XCR1: variants seen among roughly 807,000 people sequenced by gnomAD.
XCR1 encodes chemokine XC receptor 1.
For synonymous variants in XCR1, 187 were observed against 188.5 expected, an observed-to-expected ratio of 0.99 and a Z score of 0.06; for missense variants, 356 against 424.2, an observed-to-expected ratio of 0.84 and a Z score of 1.41.
At chr3:46,036,997 A>G (rs1697442005) in intron 5 of XCR1, among the ~76,000 whole-genome samples, 1 of 152,198 alleles carries the variant, frequency 6.6e-6, no homozygotes, top group African/African-American at 2.4e-5. Context: ...GTTATTTTCA[A>G]TGCTTATTGG....
At chr3:46,040,488 GAA>G (rs753706472) in intron 5 of XCR1, among the ~76,000 whole-genome samples, 1 of 152,136 alleles carries the variant, frequency 6.6e-6, no homozygotes, top group Non-Finnish European at 1.5e-5. Flanking sequence ...TGTCAAATGT[GAA>G]GTGGTATTTA....
upstream of XCR1, among the ~76,000 whole-genome samples, chr3:46,029,130 CTTCTA>C (rs773333029): frequency 1.4e-3 from 211 of 152,250 alleles, 1 homozygote; most frequent in African/African-American, 4.0e-3. Flanking sequence ...TTTGTTCTTT[CTTCTA>C]TTCAAGATTG....
At position 46,021,315 on chromosome 3, in the gene XCR1, G is replaced by T. The variant is rs545856627; in HGVS notation, c.633C>A (p.Thr211=). Residue 211 remains threonine (T), a synonymous_variant, in exon 2 of 2, where the codon ACC becomes ACA. Transcript: ENST00000309285. This position sits in a 1 kb window ranked among gnomAD's most constrained non-coding sequence, Gnocchi z 4.7. The part of the protein sequence containing the change: ...ILFCYVEILR[T]LFRSRSKRRH... ...GCCGCTTGGAGCGTGAGCGGAACAG[G>T]GTCCTGAGGATCTCCACGTAGCAGA... The T allele has an allele frequency of 1.0e-4, 161 of 1,614,104 alleles. No homozygotes were observed. The highest frequency in any genetic ancestry group is 1.1e-4 in the Non-Finnish European group (134 of 1,180,052).
At chr3:46,061,350 A>G (rs560382221) in intron 4 of XCR1, among the ~76,000 whole-genome samples, 2 of 152,284 alleles carry the variant, frequency 1.3e-5, no homozygotes, top group African/African-American at 4.8e-5. Flanking sequence ...GGTGAGTGTA[A>G]GTCCATGTTG....
intron 5 of XCR1, among the ~76,000 whole-genome samples, chr3:46,044,150 C>T (rs1341763436): frequency 1.3e-5 from 2 of 152,154 alleles, no homozygotes; most frequent in Admixed American, 1.3e-4. Flanking sequence ...TGTGAGCCAC[C>T]ACACCCAGCT....
At chr3:46,073,640 C>T (rs1001416006) in intron 3 of XCR1, among the ~76,000 whole-genome samples, 1 of 151,900 alleles carries the variant, frequency 6.6e-6, no homozygotes, top group Non-Finnish European at 1.5e-5. Flanking sequence ...GGACAGAGAG[C>T]CTGCAGAATG....
At chr3:46,027,345 T>G (rs1559481350) in intron 1 of XCR1, 72 bp downstream of exon 1, 1 of 152,112 alleles carries the variant, frequency 6.6e-6, no homozygotes, top group Non-Finnish European at 1.5e-5. Flanking sequence ...GCAGCAAAGC[T>G]TAAGAACTCC....
rs572338401 is a variant in XCR1 at position 46,039,321 on chromosome 3, G to T, written c.-32+14599C>A. Among the ~76,000 whole-genome samples the T allele has an allele frequency of 4.6e-5, 7 of 152,028 alleles. No homozygotes were observed. The South Asian group carries it at 1.0e-3, about 23-fold the overall frequency. On this transcript the variant is annotated intron_variant, in intron 5 of 5. Coordinates refer to the XCR1 transcript ENST00000683768. ...TTTCTTTAATGATGGAAAGTTAATT[G>T]TCTTACTTTGATAAGTTTGGCATAG...
chr3:46,075,308 C>CAAAAAA (rs56787185), intron 2 of XCR1, among the ~76,000 whole-genome samples: 31 of 61,624 alleles, frequency 5.0e-4, no homozygotes, highest in Middle Eastern at 0.017. Flanking sequence ...GCTCATAGAC[C>CAAAAAA]AAAAAAAAAA....
At chr3:46,051,189 T>C (rs1008907447) in intron 5 of XCR1, among the ~76,000 whole-genome samples, 2 of 152,222 alleles carry the variant, frequency 1.3e-5, no homozygotes, top group African/African-American at 4.8e-5. Context: ...TAGGGTTTTC[T>C]TGTAGAAACC....
chr3:46,023,939 A>T (rs1451523030), intron 1 of XCR1: 10 of 1,476,190 alleles, frequency 6.8e-6, no homozygotes, highest in Non-Finnish European at 9.4e-6. Context: ...AAGGAGCTGG[A>T]TGTAGATGCT....
intron 1 of XCR1, among the ~76,000 whole-genome samples, chr3:46,080,991 A>T (rs910203169): frequency 6.6e-6 from 1 of 152,178 alleles, no homozygotes; most frequent in African/African-American, 2.4e-5. Flanking sequence ...AGGGTTATAG[A>T]TATGTTCTGG....
intron 3 of XCR1, among the ~76,000 whole-genome samples, chr3:46,074,212 A>ATTTTTTTTTTTTTTTTT (rs1384010299): frequency 1.1e-5 from 1 of 88,390 alleles, no homozygotes; most frequent in African/African-American, 7.4e-5. Context: ...ACTGAAGGCC[A>ATTTTTTTTTTTTTTTTT]TCTTTTTTTT....
rs35124592 is a variant in XCR1 at position 46,074,214 on chromosome 3, C to CTTTTTTTTTTTTTTTTTTTTT, written c.-263+416_-263+436dup. On this transcript the variant is annotated intron_variant, in intron 3 of 5. Transcript: ENST00000683768. Reference sequence around the variant, plus strand: ...CAACACGAATGGAACTGAAGGCCATCTTTTTTTTTTTTTTTTTTTTTTTTT... The same window carrying CTTTTTTTTTTTTTTTTTTTTT: ...CAACACGAATGGAACTGAAGGCCATCTTTTTTTTTTTTTTTTTTTTTTTTTTTTTTTTTTTTTTTTTTTTTT... Among the ~76,000 whole-genome samples, 50 of 86,660 alleles carry CTTTTTTTTTTTTTTTTTTTTT rather than the reference C, an allele frequency of 5.8e-4. 3 individuals carry two copies. The highest frequency in any genetic ancestry group is 7.0e-4 in the Non-Finnish European group (31 of 44,580). 56.9% of individuals were successfully genotyped at this position (86,660 alleles called of 152,430 possible). A position where few individuals can be genotyped will look rare whatever the true frequency, so the allele number is the denominator to read the frequency against.
At chr3:46,054,520 T>C (rs1326944539) in intron 4 of XCR1, among the ~76,000 whole-genome samples, 6 of 148,460 alleles carry the variant, frequency 4.0e-5, no homozygotes, top group Admixed American at 1.3e-4. Flanking sequence ...GAGTGTGGAA[T>C]GGTAGACAAT....
At chr3:46,077,892 A>G (rs557732208) in intron 1 of XCR1, among the ~76,000 whole-genome samples, 42 of 152,144 alleles carry the variant, frequency 2.8e-4, no homozygotes, top group Non-Finnish European at 4.0e-4. Flanking sequence ...ACACAGGGAC[A>G]TAAAGCTGGG....
intron 1 of XCR1, among the ~76,000 whole-genome samples, chr3:46,025,194 GAAAAT>G (rs1460477121): frequency 2.0e-5 from 3 of 152,046 alleles, no homozygotes. Context: ...AAATAAAATA[GAAAAT>G]AAAATGAACA....
chr3:46,023,225 G>A (rs1708200515), intron 1 of XCR1: 6 of 555,818 alleles, frequency 1.1e-5, no homozygotes, highest in Admixed American at 6.9e-5. Context: ...ACGCGGCTGC[G>A]TCGCGCTCCC....
intron 5 of XCR1, among the ~76,000 whole-genome samples, chr3:46,049,935 C>G (rs1256623292): frequency 6.6e-6 from 1 of 152,182 alleles, no homozygotes; most frequent in African/African-American, 2.4e-5. Context: ...TCTACAGGAA[C>G]AATAATTTTG....
Sources: allele counts gnomAD v4.1 joint callset (sites outside exome capture counted in the v4.1 genomes callset), GRCh38; gene constraint gnomAD v4.1.1; non-coding constraint Gnocchi (gnomAD v3.1); transcripts MANE v1.5; gene names NCBI Gene and HGNC (gene_info 2026-07-23, HGNC 2026-07-21).